AMBN: variants seen among roughly 807,000 people sequenced by gnomAD.
The protein encoded by AMBN is enamel matrix protein.
A neutral mutation model predicts 48.0 loss-of-function variants in AMBN; 54 were observed. The ratio of observed to expected loss-of-function variants is 1.12; its 90% CI spans 0.90 to 1.41. The LOEUF (loss-of-function observed/expected upper bound fraction) is 1.41. AMBN is among the 40% of genes most tolerant of loss of function. The probability of loss-of-function intolerance (pLI) is 0.00; values close to 1 mark genes in which losing one functional copy is unlikely to be tolerated. For missense variants in AMBN, 571 were observed against 547.3 expected (o/e 1.04, Z -0.43); for synonymous variants, 186 against 190.0 (o/e 0.98, Z 0.17).
Position 70,606,385 on chromosome 4 carries a change from A to G in AMBN, c.999A>G (p.Pro333=). ...AQGSPMPEAN[P]DNLENPAFLT... is the part of the protein sequence containing the mutation. ...GCTCCCCTATGCCGGAGGCCAACCC[A>G]GACAATCTAGAAAACCCAGCTTTCC... The change falls in exon 13 of 13, where the codon CCA becomes CCG. Residue 333 remains proline, a synonymous_variant. Coordinates refer to ENST00000322937, the MANE Select transcript of AMBN (RefSeq NM_016519.6). 6.2e-7 allele frequency: 1 copy of G among 1,614,016 alleles called. No homozygotes were observed. Among genetic ancestry groups the G allele is most frequent in the Non-Finnish European group, 8.5e-7 (1 of 1,179,992 alleles).
At chr4:70,602,913 G>C in intron 8 of AMBN, 59 bp from the exon 9 acceptor site, 1 of 1,521,074 alleles carries the variant, frequency 6.6e-7, no homozygotes, top group Non-Finnish European at 8.9e-7. Flanking sequence ...TCTTTTATTT[G>C]CATTTATCTA....
chr4:70,593,433 T>C (rs1560385470), intron 2 of AMBN, 38 bp downstream of exon 2: 1 of 1,543,416 alleles, frequency 6.5e-7, no homozygotes, highest in African/African-American at 1.4e-5. Context: ...GAAAAGGTTA[T>C]TGATTGTCGA....
Position 70,606,814 on chromosome 4 carries a change from T to C in AMBN, c.*84T>C. 1 of 1,436,876 alleles carries C rather than the reference T, an allele frequency of 7.0e-7. No individual in the cohort carries two copies. The highest frequency in any genetic ancestry group is 9.4e-7 in the Non-Finnish European group (1 of 1,069,430). The allele number at this position is 1,436,876 out of a possible 1,614,324, so 89.0% of individuals were successfully genotyped here. On this transcript the variant is annotated 3_prime_UTR_variant, in exon 13 of 13. Transcript: ENST00000322937. ...GTGTACCTTTTTGCTAAAACACTTA[T>C]TACCCTTCTGCAGCAAAGGCATTAA...
At chr4:70,605,755 T>C (rs1304725932) in intron 12 of AMBN, among the ~76,000 whole-genome samples, 7 of 151,488 alleles carry the variant, frequency 4.6e-5, no homozygotes, top group South Asian at 4.2e-4. Flanking sequence ...ATGAGACCCC[T>C]AAAAGAAAAA....
At chr4:70,601,088 T>A (rs1259908021) in intron 5 of AMBN, among the ~76,000 whole-genome samples, 1 of 152,112 alleles carries the variant, frequency 6.6e-6, no homozygotes, top group Non-Finnish European at 1.5e-5. Context: ...ATAATTATCA[T>A]CCAGTGAGAA....
At chr4:70,604,743 A>G (rs1737602995) in intron 12 of AMBN, among the ~76,000 whole-genome samples, 1 of 150,612 alleles carries the variant, frequency 6.6e-6, no homozygotes, top group Non-Finnish European at 1.5e-5. Context: ...CTATAATCCC[A>G]GCACTTTGGG....
intron 1 of AMBN, 150 bp downstream of exon 1, chr4:70,592,523 C>T (rs2109798129): frequency 1.3e-6 from 1 of 758,724 alleles, no homozygotes; most frequent in East Asian, 2.8e-5. Context: ...CCAGAGATGA[C>T]ATGCCTAACA....
At chr4:70,598,106 C>T (rs1290234321) in intron 3 of AMBN, among the ~76,000 whole-genome samples, 1 of 152,140 alleles carries the variant, frequency 6.6e-6, no homozygotes, top group Non-Finnish European at 1.5e-5. Context: ...AATGTAACCT[C>T]CACTTAAATA....
In AMBN at chr4:70,603,233, A is replaced by G. The variant is rs777691977; in HGVS notation, c.649-27A>G. On this transcript the variant is annotated intron_variant, in intron 9 of 12. Coordinates refer to ENST00000322937, the MANE Select transcript of AMBN (RefSeq NM_016519.6). ...TTATGGGGATGTGCCTGTGAGAATT[A>G]CTTATTCTGTTTTCTACCATTTAAA... is the stretch of plus-strand genomic sequence containing the variant. 6.9e-6 allele frequency: 11 copies of G among 1,603,960 alleles called. No individual in the cohort carries two copies. The Admixed American group carries it at 1.7e-4, about 24-fold the overall frequency.
At chr4:70,595,275 C>T (rs1737362892) in intron 2 of AMBN, among the ~76,000 whole-genome samples, 1 of 149,872 alleles carries the variant, frequency 6.7e-6, no homozygotes, top group South Asian at 2.1e-4. Flanking sequence ...GCCACCTCCT[C>T]CTTCTGGGTT....
rs749703387 is a variant in AMBN at position 70,593,327 on chromosome 4, AT to A, written c.18del (p.Pro7HisfsTer5). MSASK[I>X]PLFKMKDLIL... ...ATTCTCCAACTTAATTATGTTTTAG[AT>A]TCCACTTTTCAAAATGAAGGACCTG... On this transcript the variant is annotated frameshift_variant and splice_region_variant, in exon 2 of 13. Coordinates refer to ENST00000322937, the MANE Select transcript of AMBN (RefSeq NM_016519.6). LOFTEE classifies it high-confidence loss of function. 40 of 1,604,800 alleles carry A rather than the reference AT, an allele frequency of 2.5e-5. No individual in the cohort carries two copies. In the South Asian group the frequency reaches 4.1e-4, roughly 16 times the overall value.
chr4:70,606,033 G>A lies in AMBN; in HGVS notation c.799-152G>A. On this transcript the variant is annotated intron_variant, in intron 12 of 12. Coordinates refer to ENST00000322937, the MANE Select transcript of AMBN (RefSeq NM_016519.6). The stretch of plus-strand genomic sequence containing the variant: ...CATTATGTTTCAAAGCCAGTTTAGT[G>A]AGAAATGAGCTTACACAAAGCTATC... The A allele has an allele frequency of 4.7e-6, 4 of 853,288 alleles. No homozygotes were observed. In the South Asian group the frequency reaches 7.5e-5, roughly 16 times the overall value. 52.9% of individuals were successfully genotyped at this position (853,288 alleles called of 1,614,324 possible).
chr4:70,605,302 A>T (rs558971507), intron 12 of AMBN, among the ~76,000 whole-genome samples: 1 of 152,210 alleles, frequency 6.6e-6, no homozygotes, highest in African/African-American at 2.4e-5. Context: ...GTTAATTGCC[A>T]TCACATAGTA....
chr4:70,595,190 C>CTT (rs367866356), intron 2 of AMBN, among the ~76,000 whole-genome samples: 3,341 of 119,036 alleles, frequency 0.028, 111 homozygotes, highest in Middle Eastern at 0.036. Context: ...TCCCTCTATT[C>CTT]TTTTTTTTTT....
At chr4:70,599,027 G>A (rs1362610879) in intron 4 of AMBN, among the ~76,000 whole-genome samples, 3 of 149,952 alleles carry the variant, frequency 2.0e-5, no homozygotes, top group Non-Finnish European at 4.4e-5. Context: ...CACCCACCTC[G>A]GCCTCCCAAA....
chr4:70,601,500 T>TTC lies in AMBN; in HGVS notation c.380_381dup (p.Gln128SerfsTer14). On this transcript the variant is annotated frameshift_variant, in exon 6 of 13. Transcript: ENST00000322937. LOFTEE classifies it high-confidence loss of function. ...CCTCAACAGCCAGGACTGAAACCTT[T>TTC]TCTCCAGTCTGCTGCTGCAACCACC... 1.2e-6 allele frequency: 2 copies of TTC among 1,614,166 alleles called. No individual in the cohort carries two copies. Among genetic ancestry groups the TTC allele is most frequent in the Non-Finnish European group, 1.7e-6 (2 of 1,179,996 alleles).
chr4:70,593,366 T>C lies in AMBN; in HGVS notation c.55T>C (p.Cys19Arg), dbSNP rs1240884859. ...AATGAAGGACCTGATACTGATCCTA[T>C]GCCTCCTGGAAATGAGTTTTGCAGT... ...FKMKDLILIL[C>R]LLEMSFAVPF... The change falls in exon 2 of 13, where the codon TGC becomes CGC. Residue 19 changes from cysteine to arginine, a missense_variant. By Grantham distance (180) the Cys-to-Arg change is radical. Transcript: ENST00000322937. 1 of 1,612,776 alleles carries C rather than the reference T, an allele frequency of 6.2e-7. No individual in the cohort carries two copies. The highest frequency in any genetic ancestry group is 1.3e-5 in the African/African-American group (1 of 74,904).
rs113806454 is a variant in AMBN at position 70,604,763 on chromosome 4, C to T, written c.798+842C>T. On this transcript the variant is annotated intron_variant, in intron 12 of 12. Transcript: ENST00000322937. ...ATCCCAGCACTTTGGGAGGCTGAAG[C>T]GGATGGATCACCCGAGATCAGGAGT... 4.1e-3 allele frequency among the ~76,000 whole-genome samples: 618 copies of T among 150,294 alleles called. 8 individuals are homozygous for T. The highest frequency in any genetic ancestry group is 0.013 in the African/African-American group (533 of 41,208).
chr4:70,599,589 C>T lies in AMBN; in HGVS notation c.237C>T (p.Leu79=). Residue 79 remains leucine (L), a synonymous_variant, in exon 5 of 13, where the codon CTC becomes CTT. Coordinates refer to ENST00000322937, the MANE Select transcript of AMBN (RefSeq NM_016519.6). Reference sequence around the variant, plus strand: ...TTAATTCTTTGTGGATGCACGGTCTCCTCCCACCACATTCCTCTCTTCCAT... The same window carrying T: ...TTAATTCTTTGTGGATGCACGGTCTTCTCCCACCACATTCCTCTCTTCCAT... ...KSFNSLWMHG[L]LPPHSSLPWM... The T allele has an allele frequency of 1.2e-6, 2 of 1,613,662 alleles. No individual in the cohort carries two copies. Among genetic ancestry groups the T allele is most frequent in the African/African-American group, 1.3e-5 (1 of 74,986 alleles).
Sources: allele counts gnomAD v4.1 joint callset (sites outside exome capture counted in the v4.1 genomes callset), GRCh38; gene constraint gnomAD v4.1.1; transcripts MANE v1.5; gene names NCBI Gene and HGNC (gene_info 2026-07-23, HGNC 2026-07-21).